Variants in RP9 observed in about 807,000 individuals in gnomAD.
RP9 encodes the protein RP9 pre-mRNA splicing factor.
Under a neutral mutation model 32.6 loss-of-function variants are expected in RP9, and 23 were observed. The ratio of observed to expected loss-of-function variants is 0.71; its 90% CI spans 0.51 to 1.00. The LOEUF is 1.00. RP9 is among the 50% of genes least tolerant of loss of function. RP9 has a pLI of 0.00. For missense variants in RP9, 245 were observed against 285.3 expected (o/e 0.86, Z 1.02); for synonymous variants, 94 against 103.6 (o/e 0.91, Z 0.56).
Position 33,109,181 on chromosome 7 carries a change from C to T in RP9, c.152+40G>A, listed in dbSNP as rs1425803583. 1.3e-6 allele frequency: 2 copies of T among 1,481,608 alleles called. No homozygotes were observed. The highest frequency in any genetic ancestry group is 2.9e-5 in the African/African-American group (2 of 67,824). The allele number at this position is 1,481,608 out of a possible 1,614,324, so 91.8% of individuals were successfully genotyped here. On this transcript the variant is annotated intron_variant, in intron 1 of 5. Coordinates refer to ENST00000297157, the MANE Select transcript of RP9 (RefSeq NM_203288.2). This position sits in a 1 kb window ranked among gnomAD's most constrained non-coding sequence, Gnocchi z 4.9. Reference sequence around the variant, plus strand: ...GTCCCGCGCCCCGGGCCCCTGGCTTCAGAAGACTGGCCGCGCGCGGACGGC... The same window carrying T: ...GTCCCGCGCCCCGGGCCCCTGGCTTTAGAAGACTGGCCGCGCGCGGACGGC...
intron 1 of RP9, among the ~76,000 whole-genome samples, chr7:33,106,644 A>G (rs1274354040): frequency 6.6e-6 from 1 of 152,202 alleles, no homozygotes; most frequent in Non-Finnish European, 1.5e-5. Flanking sequence ...GTATAAATAT[A>G]CAATTTAGGA....
Position 33,099,377 on chromosome 7 carries a change from C to T in RP9, c.243G>A (p.Arg81=). 6 of 1,613,482 alleles carry T rather than the reference C, an allele frequency of 3.7e-6. No individual in the cohort carries two copies. The highest frequency in any genetic ancestry group is 5.1e-6 in the Non-Finnish European group (6 of 1,179,864). ...IPDVPGNEHA[R]EFLAHAPTKG... is the part of the protein sequence containing the mutation. ...TAGTTGGTGCATGAGCCAGAAATTC[C>T]CTGGCGTGTTCATTGCCTGGTACAT... is the stretch of plus-strand genomic sequence containing the variant. The change falls in exon 3 of 6, where the codon AGG becomes AGA. Residue 81 remains arginine, a synonymous_variant. Transcript: ENST00000297157.
chr7:33,109,077 C>A lies in RP9; in HGVS notation c.152+144G>T. ...ACCGCGGCGCCCGACATCGGTCGCC[C>A]GCACCAGGCTCCTGCCGGGCCCAGC... On this transcript the variant is annotated intron_variant, in intron 1 of 5. Coordinates refer to ENST00000297157, the MANE Select transcript of RP9 (RefSeq NM_203288.2). The surrounding 1 kb of genome is among the most constrained non-coding windows in gnomAD (Gnocchi z 4.9). The A allele has an allele frequency of 8.0e-7, 1 of 1,248,352 alleles. No homozygotes were observed. Among genetic ancestry groups the A allele is most frequent in the Non-Finnish European group, 1.0e-6 (1 of 980,562 alleles). 77.3% of individuals were successfully genotyped at this position (1,248,352 alleles called of 1,614,324 possible).
intron 4 of RP9, among the ~76,000 whole-genome samples, chr7:33,096,766 C>T (rs1274827499): frequency 1.3e-5 from 2 of 152,136 alleles, no homozygotes; most frequent in Non-Finnish European, 1.5e-5. Context: ...TGGCTACTCT[C>T]AGCACACTGT....
intron 1 of RP9, among the ~76,000 whole-genome samples, chr7:33,103,213 T>C (rs1200768648): frequency 1.3e-5 from 2 of 152,232 alleles, no homozygotes; most frequent in Non-Finnish European, 2.9e-5. Flanking sequence ...TTCCTTCCTA[T>C]AGCCAGGAGG....
At chr7:33,106,377 T>C (rs1335850391) in intron 1 of RP9, among the ~76,000 whole-genome samples, 1 of 152,130 alleles carries the variant, frequency 6.6e-6, no homozygotes, top group African/African-American at 2.4e-5. Context: ...GGTCTATAAA[T>C]GCTGCCCAGG....
At chr7:33,101,219 C>G (rs1422975727) in intron 1 of RP9, among the ~76,000 whole-genome samples, 4 of 152,086 alleles carry the variant, frequency 2.6e-5, no homozygotes, top group African/African-American at 7.2e-5. Flanking sequence ...TTCATTCGGA[C>G]TCTCGTCTTA....
At chr7:33,102,649 TAA>T (rs1337738881) in intron 1 of RP9, among the ~76,000 whole-genome samples, 1 of 152,202 alleles carries the variant, frequency 6.6e-6, no homozygotes, top group Admixed American at 6.5e-5. Context: ...AATCTTTTGT[TAA>T]GTGTTTCAAA....
intron 1 of RP9, among the ~76,000 whole-genome samples, chr7:33,107,817 G>A (rs1481812446): frequency 1.3e-5 from 2 of 152,078 alleles, no homozygotes; most frequent in Non-Finnish European, 2.9e-5. Flanking sequence ...TTTCAAAGAG[G>A]GCACCCCCAT....
In RP9 at chr7:33,109,235, C is replaced by T; in HGVS notation, c.138G>A (p.Lys46=). The T allele has an allele frequency of 6.7e-7, 1 of 1,497,244 alleles. No individual in the cohort carries two copies. Among genetic ancestry groups the T allele is most frequent in the Non-Finnish European group, 8.9e-7 (1 of 1,125,738 alleles). The allele number at this position is 1,497,244 out of a possible 1,614,324, so 92.7% of individuals were successfully genotyped here. A position where few individuals can be genotyped will look rare whatever the true frequency, so the allele number is the denominator to read the frequency against. Residue 46 remains lysine, a synonymous_variant, in exon 1 of 6, where the codon AAG becomes AAA. Coordinates refer to ENST00000297157, the MANE Select transcript of RP9 (RefSeq NM_203288.2). This position sits in a 1 kb window ranked among gnomAD's most constrained non-coding sequence, Gnocchi z 4.9. ...TCGGGACTCACAAGGACTCCAGGTG[C>T]TTGAGCTGCTGCAGCTGCTGCGCGT... ...RHDAQQLQQL[K]HLESFYEKPP... is the part of the protein sequence containing the mutation.
intron 3 of RP9, chr7:33,099,034 A>T (rs1788385520): frequency 1.9e-6 from 1 of 529,586 alleles, no homozygotes; most frequent in East Asian, 3.4e-5. Flanking sequence ...TGGTTTTCTC[A>T]TTCATTCTGT....
Position 33,097,339 on chromosome 7 carries a change from G to T in RP9, c.337C>A (p.His113Asn). The change falls in exon 4 of 6, where the codon CAC (histidine) becomes AAC (asparagine). Residue 113 changes from histidine (H) to asparagine (N), a missense_variant. Physicochemically the swap from His to Asn is moderately conservative, Grantham distance 68. Transcript: ENST00000297157. ...GGGCATTCTTTGTCACCCGTTCGGT[G>T]ACCATAGCGTTTGCAACGCCAACCT... ...MQCWRCKRYG[H>N]RTGDKECPFF... The T allele has an allele frequency of 6.2e-7, 1 of 1,613,810 alleles. No homozygotes were observed. The highest frequency in any genetic ancestry group is 1.1e-5 in the South Asian group (1 of 91,028).
rs1026183402 is a variant in RP9 at position 33,106,931 on chromosome 7, G to A, written c.152+2290C>T. ...TGCACTCCAGCCTGGGTGACAGAGC[G>A]AGACTCCATCTCAAAAAAAAAAAAC... On this transcript the variant is annotated intron_variant, in intron 1 of 5. Transcript: ENST00000297157. Among the ~76,000 whole-genome samples, 42 of 150,594 alleles carry A rather than the reference G, an allele frequency of 2.8e-4. 1 individual carries two copies. Among genetic ancestry groups the A allele is most frequent in the Admixed American group, 2.6e-3 (39 of 15,124 alleles).
Position 33,096,480 on chromosome 7 carries a change from AG to A in RP9, c.467+12del. 2 of 1,594,164 alleles carry A rather than the reference AG, an allele frequency of 1.3e-6. No individual in the cohort carries two copies. Among genetic ancestry groups the A allele is most frequent in the Non-Finnish European group, 8.6e-7 (1 of 1,161,790 alleles). On this transcript the variant is annotated intron_variant, in intron 5 of 5. Transcript: ENST00000297157. The stretch of plus-strand genomic sequence containing the variant: ...ACTTTAAGGGGATATTGTTATCATC[AG>A]GACGACCTCACCTTACGTCCTTTTC...
intron 3 of RP9, chr7:33,099,066 G>C: frequency 1.7e-6 from 1 of 580,210 alleles, no homozygotes; most frequent in Non-Finnish European, 3.1e-6. Flanking sequence ...CTGAGATCAG[G>C]GTCCCAGCAA....
chr7:33,101,705 C>G (rs1788427627), intron 1 of RP9, among the ~76,000 whole-genome samples: 1 of 152,046 alleles, frequency 6.6e-6, no homozygotes, highest in African/African-American at 2.4e-5. Flanking sequence ...TCTGTTCCCT[C>G]AAGATTAAAT....
intron 3 of RP9, among the ~76,000 whole-genome samples, chr7:33,098,270 C>T (rs1182608337): frequency 2.6e-5 from 4 of 152,204 alleles, no homozygotes; most frequent in South Asian, 2.1e-4. Flanking sequence ...GCCTGTAGTC[C>T]CAGCTATCTC....
At chr7:33,104,669 A>G (rs577830993) in intron 1 of RP9, among the ~76,000 whole-genome samples, 1 of 152,242 alleles carries the variant, frequency 6.6e-6, no homozygotes, top group African/African-American at 2.4e-5. Flanking sequence ...ACTGAGTGAA[A>G]ATTGTTGTTA....
chr7:33,100,215 G>A (rs2128032624), intron 2 of RP9: 1 of 422,706 alleles, frequency 2.4e-6, no homozygotes, highest in Admixed American at 3.7e-5. Context: ...TGGACCGAGG[G>A]GCTGAGCCGG....
Sources: allele counts gnomAD v4.1 joint callset (sites outside exome capture counted in the v4.1 genomes callset), GRCh38; gene constraint gnomAD v4.1.1; non-coding constraint Gnocchi (gnomAD v3.1); transcripts MANE v1.5; gene names NCBI Gene and HGNC (gene_info 2026-07-23, HGNC 2026-07-21).